Variants in UGT1A3 observed in about 807,000 individuals in gnomAD.
UGT1A3 encodes the protein UDP-glucuronosyltransferase 1A3.
Under a neutral mutation model 41.0 loss-of-function variants are expected in UGT1A3, and 31 were observed. The ratio of observed to expected loss-of-function variants is 0.76; its 90% CI spans 0.57 to 1.02. The LOEUF (loss-of-function observed/expected upper bound fraction) is 1.02. Among genes scored for constraint, UGT1A3 ranks in the 50% least tolerant of loss-of-function variants. The probability of loss-of-function intolerance (pLI) is 0.00; values close to 1 mark genes in which losing one functional copy is unlikely to be tolerated. For missense variants in UGT1A3, 737 were observed against 671.0 expected, an observed-to-expected ratio of 1.10 and a Z score of -1.09; for synonymous variants, 262 against 257.6, an observed-to-expected ratio of 1.02 and a Z score of -0.17.
At chr2:233,740,329 G>C (rs1400491740) in intron 1 of UGT1A3, among the ~76,000 whole-genome samples, 1 of 151,932 alleles carries the variant, frequency 6.6e-6, no homozygotes, top group Admixed American at 6.5e-5. Context: ...TGCATTTATT[G>C]AGAAAGTTGA....
At chr2:233,756,950 A>C (rs1419831234) in intron 1 of UGT1A3, among the ~76,000 whole-genome samples, 3 of 152,034 alleles carry the variant, frequency 2.0e-5, no homozygotes, top group Admixed American at 2.0e-4. Flanking sequence ...TGAAACCCGG[A>C]CTTGGCACTT....
At chr2:233,738,180 G>A (rs566528784) in intron 1 of UGT1A3, among the ~76,000 whole-genome samples, 8 of 152,232 alleles carry the variant, frequency 5.3e-5, no homozygotes, top group African/African-American at 1.4e-4. Flanking sequence ...CATGTAAGAC[G>A]TGTCTTTGCC....
rs936360060 is a variant in UGT1A3 at position 233,744,308 on chromosome 2, A to G, written c.867+14315A>G. On this transcript the variant is annotated intron_variant, in intron 1 of 4. Coordinates refer to ENST00000482026, the MANE Select transcript of UGT1A3 (RefSeq NM_019093.4). Reference sequence around the variant, plus strand: ...GTCTTTTTCCTCGGCCACAGGAGGGAAGAGGGTGGTGGGAGTGAGTTTAGT... The same window carrying G: ...GTCTTTTTCCTCGGCCACAGGAGGGGAGAGGGTGGTGGGAGTGAGTTTAGT... Among the ~76,000 whole-genome samples, 68 of 151,726 alleles carry G rather than the reference A, an allele frequency of 4.5e-4. 2 individuals are homozygous for G. The highest frequency in any genetic ancestry group is 1.7e-3 in the African/African-American group (68 of 41,046).
At chr2:233,737,717 C>A (rs2078914941) in intron 1 of UGT1A3, among the ~76,000 whole-genome samples, 1 of 152,178 alleles carries the variant, frequency 6.6e-6, no homozygotes, top group South Asian at 2.1e-4. Flanking sequence ...CTCTCCAACA[C>A]CTCCTTTTTT....
At position 233,772,593 on chromosome 2, in the gene UGT1A3, C is replaced by G; in HGVS notation, c.*34C>G. On this transcript the variant is annotated 3_prime_UTR_variant, in exon 5 of 5. Transcript: ENST00000482026. The stretch of plus-strand genomic sequence containing the variant: ...TGGGAAATAAGGTAAAATTTTGAAC[C>G]ATTCCCTAGTCATTTCCAAACTTGA... The G allele has an allele frequency of 6.3e-7, 1 of 1,598,604 alleles. No individual in the cohort carries two copies. The highest frequency in any genetic ancestry group is 8.5e-7 in the Non-Finnish European group (1 of 1,171,794).
rs34946978 is a variant in UGT1A3 at position 233,768,226 on chromosome 2, C to T, written c.1094C>T (p.Pro365Leu). 720 of 1,614,202 alleles carry T rather than the reference C, an allele frequency of 4.5e-4. 7 individuals carry two copies. The East Asian group carries it at 9.4e-3, about 21-fold the overall frequency. The change falls in exon 4 of 5, where the codon CCG becomes CTG. Residue 365 changes from proline to leucine, a missense_variant. By Grantham distance (98) the Pro-to-Leu change is moderately conservative. Transcript: ENST00000482026. Reference sequence around the variant, plus strand: ...TCCCTATTTTGCATCTCAGGTCACCCGATGACCCGTGCCTTTATCACCCAT... The same window carrying T: ...TCCCTATTTTGCATCTCAGGTCACCTGATGACCCGTGCCTTTATCACCCAT... The part of the protein sequence containing the change: ...WLPQNDLLGH[P>L]MTRAFITHAG...
intron 1 of UGT1A3, among the ~76,000 whole-genome samples, chr2:233,748,894 A>G (rs1694057054): frequency 6.6e-6 from 1 of 151,670 alleles, no homozygotes; most frequent in Non-Finnish European, 1.5e-5. Context: ...CATGTGTCCA[A>G]GAAGGGAAGT....
chr2:233,772,682 G>A lies in UGT1A3; in HGVS notation c.*123G>A, dbSNP rs1700541485. The A allele has an allele frequency of 6.7e-7, 1 of 1,494,640 alleles. No individual in the cohort carries two copies. The allele number at this position is 1,494,640 out of a possible 1,614,324, so 92.6% of individuals were successfully genotyped here. On this transcript the variant is annotated 3_prime_UTR_variant, in exon 5 of 5. Coordinates refer to ENST00000482026, the MANE Select transcript of UGT1A3 (RefSeq NM_019093.4). ...GGAAATACTTTGCATAAATTAATCA[G>A]CCCCAGAGTGCTTTAAAAAATTCTC...
chr2:233,741,589 G>C (rs1281207965), intron 1 of UGT1A3: 1 of 151,856 alleles, frequency 6.6e-6, no homozygotes, highest in Non-Finnish European at 1.5e-5. Flanking sequence ...GCACCTCGGA[G>C]CATGTTGATT....
Position 233,769,434 on chromosome 2 carries a change from T to C in UGT1A3, c.1307+995T>C, listed in dbSNP as rs999407687. 1.3e-5 allele frequency: 20 copies of C among 1,542,190 alleles called. No homozygotes were observed. Among genetic ancestry groups the C allele is most frequent in the Non-Finnish European group, 1.7e-5 (19 of 1,120,764 alleles). On this transcript the variant is annotated intron_variant, in intron 4 of 4. Coordinates refer to ENST00000482026, the MANE Select transcript of UGT1A3 (RefSeq NM_019093.4). This position sits in a 1 kb window ranked among gnomAD's most constrained non-coding sequence, Gnocchi z 4.4. ...GCGTTTGTGCATGTGGCTGTGCTCA[T>C]GTGTGGGTGCACACGTGTGCATTCA...
At chr2:233,747,492 C>G (rs1313970709) in intron 1 of UGT1A3, 21 of 1,608,406 alleles carry the variant, frequency 1.3e-5, no homozygotes, top group Non-Finnish European at 1.7e-5. Context: ...TCGCCTTGTG[C>G]TGGGCCACAC....
At position 233,729,171 on chromosome 2, in the gene UGT1A3, A is replaced by G; in HGVS notation, c.45A>G (p.Gly15=). ...TTCCCCTGCCGTGGCTGGCCACAGG[A>G]CTGCTGCTTCTCCTCAGTGTCCAGC... The part of the protein sequence containing the change: ...LQVPLPWLAT[G]LLLLLSVQPW... The change falls in exon 1 of 5, where the codon GGA becomes GGG. Residue 15 remains glycine, a synonymous_variant. Coordinates refer to ENST00000482026, the MANE Select transcript of UGT1A3 (RefSeq NM_019093.4). 1 of 1,613,740 alleles carries G rather than the reference A, an allele frequency of 6.2e-7. No individual in the cohort carries two copies. Among genetic ancestry groups the G allele is most frequent in the Non-Finnish European group, 8.5e-7 (1 of 1,179,886 alleles).
At chr2:233,764,688 C>G (rs530219647) in intron 1 of UGT1A3, among the ~76,000 whole-genome samples, 2 of 152,144 alleles carry the variant, frequency 1.3e-5, no homozygotes, top group Non-Finnish European at 2.9e-5. Context: ...ACTTGAAGAG[C>G]ACTTGGAAAT....
At chr2:233,771,266 TTTTC>T (rs1700270540) in intron 4 of UGT1A3, 1 of 152,178 alleles carries the variant, frequency 6.6e-6, no homozygotes, top group Non-Finnish European at 1.5e-5. Context: ...GTGCCTTTTT[TTTTC>T]TTTCTTCTCC....
chr2:233,741,695 G>A (rs565346181), intron 1 of UGT1A3: 1 of 152,016 alleles, frequency 6.6e-6, no homozygotes, highest in East Asian at 1.9e-4. Flanking sequence ...ATTACATGCA[G>A]AGTGGACTCT....
At chr2:233,756,346 C>T (rs1696189939) in intron 1 of UGT1A3, 1 of 152,136 alleles carries the variant, frequency 6.6e-6, no homozygotes, top group South Asian at 2.1e-4. Context: ...CTCTTGATTA[C>T]TTTTACCTAA....
At chr2:233,741,974 C>A (rs1011197699) in intron 1 of UGT1A3, 2 of 151,852 alleles carry the variant, frequency 1.3e-5, no homozygotes, top group Non-Finnish European at 2.9e-5. Context: ...GTTTATGGTG[C>A]CTCACCCAAA....
At chr2:233,741,367 C>T (rs1691641318) in intron 1 of UGT1A3, among the ~76,000 whole-genome samples, 1 of 151,832 alleles carries the variant, frequency 6.6e-6, no homozygotes, top group Non-Finnish European at 1.5e-5. Context: ...CACAATGAAA[C>T]TGCCCATGCC....
chr2:233,753,820 G>C (rs1695319484), intron 1 of UGT1A3, among the ~76,000 whole-genome samples: 1 of 152,168 alleles, frequency 6.6e-6, no homozygotes, highest in African/African-American at 2.4e-5. Context: ...AACCACGTTA[G>C]GGCTGAAGAC....
Sources: gnomAD v4.1 joint callset for allele counts (sites outside exome capture counted in the v4.1 genomes callset) on GRCh38, gnomAD v4.1.1 for gene constraint, Gnocchi (gnomAD v3.1) non-coding constraint, MANE v1.5 for transcripts, NCBI Gene and HGNC (gene_info 2026-07-23, HGNC 2026-07-21) for gene names.